TWSG1: variants seen among roughly 807,000 people sequenced by gnomAD.
TWSG1 encodes twisted gastrulation protein homolog 1.
A neutral mutation model predicts 23.0 loss-of-function variants in TWSG1; 15 were observed. The ratio of observed to expected loss-of-function variants is 0.65; its 90% CI spans 0.44 to 1.00. The LOEUF is 1.00. Ranked by LOEUF, TWSG1 falls within the 50% of genes least tolerant of loss-of-function variation. TWSG1 has a pLI of 0.00. For synonymous variants in TWSG1, 86 were observed against 92.8 expected (o/e 0.93, Z 0.42); for missense variants, 242 against 278.7 (o/e 0.87, Z 0.94).
At chr18:9,359,259 T>G (rs2040541102) in intron 2 of TWSG1, among the ~76,000 whole-genome samples, 1 of 152,116 alleles carries the variant, frequency 6.6e-6, no homozygotes, top group South Asian at 2.1e-4. Context: ...GGCCATATCC[T>G]GGCTTCACAT....
At chr18:9,361,679 G>C (rs974812856) in intron 3 of TWSG1, among the ~76,000 whole-genome samples, 2 of 152,170 alleles carry the variant, frequency 1.3e-5, no homozygotes, top group Admixed American at 1.3e-4. Flanking sequence ...GAGGGGTGAG[G>C]TCACAGTAAA....
At chr18:9,381,433 T>G (rs1355993383) in intron 3 of TWSG1, among the ~76,000 whole-genome samples, 1 of 152,216 alleles carries the variant, frequency 6.6e-6, no homozygotes, top group Non-Finnish European at 1.5e-5. Flanking sequence ...TTAATAGCCT[T>G]GTCCAATAAT....
intron 2 of TWSG1, among the ~76,000 whole-genome samples, chr18:9,339,796 C>T (rs888746655): frequency 6.6e-6 from 1 of 151,302 alleles, no homozygotes; most frequent in Admixed American, 6.6e-5. Context: ...GAGCAAGACT[C>T]TGTCTCAAAA....
chr18:9,382,119 AT>A (rs1315884354), intron 3 of TWSG1, among the ~76,000 whole-genome samples: 1 of 150,744 alleles, frequency 6.6e-6, no homozygotes, highest in East Asian at 1.9e-4. Context: ...AAGCACTTAC[AT>A]GAACCATACA....
intron 3 of TWSG1, among the ~76,000 whole-genome samples, chr18:9,382,367 A>G (rs1298524047): frequency 6.6e-6 from 1 of 152,096 alleles, no homozygotes; most frequent in East Asian, 1.9e-4. Context: ...TATTAAAAAT[A>G]CAAAAATTAG....
chr18:9,363,874 C>T (rs547877048), intron 3 of TWSG1, among the ~76,000 whole-genome samples: 2 of 152,252 alleles, frequency 1.3e-5, no homozygotes, highest in Admixed American at 6.5e-5. Flanking sequence ...GTGATCTGCC[C>T]TCCTCAGCCT....
intron 3 of TWSG1, among the ~76,000 whole-genome samples, chr18:9,395,011 T>A (rs1353200973): frequency 6.6e-6 from 1 of 152,184 alleles, no homozygotes; most frequent in Non-Finnish European, 1.5e-5. Flanking sequence ...TGGTACCTCT[T>A]CTTTCTTTCT....
intron 3 of TWSG1, among the ~76,000 whole-genome samples, chr18:9,365,431 C>G (rs2040573662): frequency 6.6e-6 from 1 of 152,198 alleles, no homozygotes; most frequent in Non-Finnish European, 1.5e-5. Flanking sequence ...TCCCAGCACT[C>G]TGGGAGGCCA....
rs182080093 is a variant in TWSG1 at position 9,346,731 on chromosome 18, C to A, written c.123+9379C>A. On this transcript the variant is annotated intron_variant, in intron 2 of 4. Transcript: ENST00000262120. ...TAGGTTATAATCACACAACTGCACT[C>A]CAGCCTGGATAACCAAGCGAGACCC... Among the ~76,000 whole-genome samples, 58 of 152,322 alleles carry A rather than the reference C, an allele frequency of 3.8e-4. 1 individual carries two copies. The highest frequency in any genetic ancestry group is 1.9e-4 in the Non-Finnish European group (13 of 68,032).
At chr18:9,366,106 A>C (rs1001171201) in intron 3 of TWSG1, among the ~76,000 whole-genome samples, 1 of 152,262 alleles carries the variant, frequency 6.6e-6, no homozygotes, top group African/African-American at 2.4e-5. Context: ...GTCGTGGAAC[A>C]CTATAATTCA....
intron 3 of TWSG1, among the ~76,000 whole-genome samples, chr18:9,394,418 G>A (rs2040725575): frequency 6.6e-6 from 1 of 152,166 alleles, no homozygotes; most frequent in Non-Finnish European, 1.5e-5. Flanking sequence ...AAGGATAGGA[G>A]GGTAGAGGGA....
At chr18:9,377,118 A>T (rs979602071) in intron 3 of TWSG1, among the ~76,000 whole-genome samples, 1 of 152,144 alleles carries the variant, frequency 6.6e-6, no homozygotes, top group African/African-American at 2.4e-5. Context: ...CCTGGAACCA[A>T]TCCCCCACAG....
intron 2 of TWSG1, among the ~76,000 whole-genome samples, chr18:9,342,525 T>C (rs1223691918): frequency 6.6e-6 from 1 of 152,232 alleles, no homozygotes; most frequent in African/African-American, 2.4e-5. Context: ...ACATTTCCCT[T>C]CTTGAATGAT....
chr18:9,336,053 G>A (rs1039831770), intron 1 of TWSG1, among the ~76,000 whole-genome samples: 2 of 152,084 alleles, frequency 1.3e-5, no homozygotes, highest in African/African-American at 4.8e-5. Flanking sequence ...TTGAACTGTA[G>A]TATCTTCTTA....
At chr18:9,368,935 G>A (rs896222309) in intron 3 of TWSG1, among the ~76,000 whole-genome samples, 10 of 148,474 alleles carry the variant, frequency 6.7e-5, no homozygotes, top group African/African-American at 2.2e-4. Context: ...GCAACAGAGC[G>A]AGACTCTGTC....
At chr18:9,340,390 A>AAG (rs1393833039) in intron 2 of TWSG1, among the ~76,000 whole-genome samples, 4 of 147,698 alleles carry the variant, frequency 2.7e-5, no homozygotes, top group African/African-American at 1.0e-4. Context: ...AAAAAAAAAA[A>AAG]GAAAAGATCT....
At position 9,345,982 on chromosome 18, in the gene TWSG1, T is replaced by C. The variant is rs538450532; in HGVS notation, c.123+8630T>C. 7.9e-5 allele frequency among the ~76,000 whole-genome samples: 12 copies of C among 152,338 alleles called. No individual in the cohort carries two copies. In the East Asian group the frequency reaches 2.3e-3, roughly 29 times the overall value. ...TACTATTGATGAACCAATATTGATA[T>C]GCTATTATTAACTAAAATCTATGCT... On this transcript the variant is annotated intron_variant, in intron 2 of 4. Coordinates refer to ENST00000262120, the MANE Select transcript of TWSG1 (RefSeq NM_020648.6).
At chr18:9,357,739 G>A (rs1181327423) in intron 2 of TWSG1, among the ~76,000 whole-genome samples, 3 of 152,014 alleles carry the variant, frequency 2.0e-5, no homozygotes. Flanking sequence ...CAAATTTTAG[G>A]CTTCTTTAAT....
intron 2 of TWSG1, among the ~76,000 whole-genome samples, chr18:9,340,772 C>A (rs921845242): frequency 1.3e-5 from 2 of 152,226 alleles, no homozygotes; most frequent in Non-Finnish European, 2.9e-5. Flanking sequence ...AGATCTACAT[C>A]TACCCTGTGC....
Sources: gnomAD v4.1 joint callset for allele counts (sites outside exome capture counted in the v4.1 genomes callset) on GRCh38, gnomAD v4.1.1 for gene constraint, MANE v1.5 for transcripts, NCBI Gene and HGNC (gene_info 2026-07-23, HGNC 2026-07-21) for gene names.